FAM184A: variants seen among roughly 807,000 people sequenced by gnomAD.
The protein encoded by FAM184A is protein FAM184A.
A neutral mutation model predicts 143.8 loss-of-function variants in FAM184A; 99 were observed. That is an observed-to-expected ratio of 0.69 (90% CI 0.58 to 0.81). The LOEUF (loss-of-function observed/expected upper bound fraction) is 0.81. Ranked by LOEUF, FAM184A falls within the 40% of genes least tolerant of loss-of-function variation. The pLI, the probability that FAM184A is intolerant of heterozygous loss-of-function variation, is 0.00. For synonymous variants in FAM184A, 427 were observed against 446.4 expected (o/e 0.96, Z 0.55); for missense variants, 1,217 against 1,310.5 (o/e 0.93, Z 1.10).
At chr6:119,042,938 G>A (rs546526264) in intron 1 of FAM184A, among the ~76,000 whole-genome samples, 1 of 152,208 alleles carries the variant, frequency 6.6e-6, no homozygotes, top group African/African-American at 2.4e-5. Flanking sequence ...TCAAAAATCT[G>A]CATCCTGAAC....
At chr6:119,095,415 G>A (rs1217873619) in intron 1 of FAM184A, among the ~76,000 whole-genome samples, 1 of 152,200 alleles carries the variant, frequency 6.6e-6, no homozygotes, top group Non-Finnish European at 1.5e-5. Context: ...TAAGCAAGTT[G>A]TAGTTATCCA....
intron 9 of FAM184A, among the ~76,000 whole-genome samples, chr6:118,987,900 C>T (rs1784242427): frequency 6.6e-6 from 1 of 152,100 alleles, no homozygotes; most frequent in South Asian, 2.1e-4. Context: ...TAGATGTATG[C>T]ATACACAAAT....
At chr6:119,033,390 G>A (rs1170853379) in intron 1 of FAM184A, among the ~76,000 whole-genome samples, 8 of 152,138 alleles carry the variant, frequency 5.3e-5, no homozygotes, top group South Asian at 2.1e-4. Context: ...AAAAGGCCAG[G>A]TGCGGTGGCT....
chr6:119,042,000 C>T (rs1337190678), intron 1 of FAM184A, among the ~76,000 whole-genome samples: 2 of 152,134 alleles, frequency 1.3e-5, no homozygotes, highest in Non-Finnish European at 2.9e-5. Context: ...AAGCGGCCCG[C>T]CACCATCTTG....
intron 1 of FAM184A, among the ~76,000 whole-genome samples, chr6:119,103,677 T>C (rs1582618868): frequency 6.6e-6 from 1 of 151,832 alleles, no homozygotes; most frequent in South Asian, 2.1e-4. Context: ...CCTGTAATCC[T>C]AGCACTTTGG....
chr6:119,140,980 C>T (rs1413142865), intron 1 of FAM184A, among the ~76,000 whole-genome samples: 2 of 152,170 alleles, frequency 1.3e-5, no homozygotes, highest in Non-Finnish European at 2.9e-5. Flanking sequence ...TGGAGATAAG[C>T]CACCTGATGT....
intron 4 of FAM184A, 152 bp downstream of exon 4, chr6:119,019,826 C>T (rs1028739641): frequency 3.4e-6 from 2 of 592,378 alleles, no homozygotes; most frequent in African/African-American, 3.8e-5. Context: ...TAGCTATATA[C>T]CCATTTCCTC....
At chr6:119,074,479 G>GCT (rs1435058226) in intron 1 of FAM184A, among the ~76,000 whole-genome samples, 1 of 152,096 alleles carries the variant, frequency 6.6e-6, no homozygotes, top group Non-Finnish European at 1.5e-5. Flanking sequence ...CTTTGTTACT[G>GCT]AAGGATGATT....
chr6:119,009,165 G>A (rs1355258866), intron 6 of FAM184A, among the ~76,000 whole-genome samples: 1 of 152,156 alleles, frequency 6.6e-6, no homozygotes, highest in Non-Finnish European at 1.5e-5. Flanking sequence ...AGTATAAAGA[G>A]GCTATATAAA....
chr6:119,045,326 G>A (rs962569059), intron 1 of FAM184A, among the ~76,000 whole-genome samples: 7 of 138,712 alleles, frequency 5.0e-5, no homozygotes, highest in African/African-American at 1.6e-4. Context: ...ATTCATCTAC[G>A]TATATCAAGG....
rs756831098 is a variant in FAM184A, at chr6:118,980,319, T to C, written c.2120A>G (p.Gln707Arg). 27 of 1,613,814 alleles carry C rather than the reference T, an allele frequency of 1.7e-5. No individual in the cohort carries two copies. In the South Asian group the frequency reaches 3.0e-4, roughly 18 times the overall value. The change falls in exon 10 of 18, where the codon CAG (glutamine) becomes CGG (arginine). Residue 707 changes from glutamine to arginine, a missense_variant. Physicochemically the swap from Gln to Arg is conservative, Grantham distance 43. Coordinates refer to ENST00000338891, the MANE Select transcript of FAM184A (RefSeq NM_024581.6). ...CAAAGAAGTCTGAGACTGGGAAAGC[T>C]GTATCTCCAGATTCTGTTTCAGCAA... ...ISLLKQNLEI[Q>R]LSQSQTSLQQ...
At chr6:119,048,574 T>C (rs1428770326) in intron 1 of FAM184A, among the ~76,000 whole-genome samples, 1 of 152,198 alleles carries the variant, frequency 6.6e-6, no homozygotes, top group Non-Finnish European at 1.5e-5. Flanking sequence ...CTAGCATTCC[T>C]ATACACCAAC....
chr6:118,984,524 G>A (rs534196365), intron 9 of FAM184A, among the ~76,000 whole-genome samples: 42 of 152,046 alleles, frequency 2.8e-4, no homozygotes, highest in East Asian at 2.3e-3. Flanking sequence ...CTCTATAATG[G>A]TGTTTGTGGA....
At position 118,974,441 on chromosome 6, in the gene FAM184A, C is replaced by G; in HGVS notation, c.2902G>C (p.Ala968Pro). 1 of 1,608,156 alleles carries G rather than the reference C, an allele frequency of 6.2e-7. No individual in the cohort carries two copies. The change falls in exon 14 of 18, where the codon GCT (alanine) becomes CCT (proline). Residue 968 changes from alanine to proline, a missense_variant. Coordinates refer to ENST00000338891, the MANE Select transcript of FAM184A (RefSeq NM_024581.6). ...TNELLKEINA[A>P]LQVSLEEMEE... Reference sequence around the variant, plus strand: ...AATATGACTTACGACACTTGTAAAGCGGCATTTATTTCCTTGAGTAGCTCG... The same window carrying G: ...AATATGACTTACGACACTTGTAAAGGGGCATTTATTTCCTTGAGTAGCTCG...
chr6:119,027,528 T>C (rs1340191158), intron 1 of FAM184A, among the ~76,000 whole-genome samples: 1 of 152,168 alleles, frequency 6.6e-6, no homozygotes, highest in East Asian at 1.9e-4. Context: ...TTTAGGGACC[T>C]GCAAACCCCC....
intron 7 of FAM184A, among the ~76,000 whole-genome samples, chr6:119,004,102 T>G (rs1422166698): frequency 6.6e-6 from 1 of 152,240 alleles, no homozygotes; most frequent in Non-Finnish European, 1.5e-5. Context: ...ATTATGTAAC[T>G]GCAAACTAGT....
intron 3 of FAM184A, 75 bp from the exon 4 acceptor site, chr6:119,020,234 C>T (rs1785397675): frequency 1.7e-6 from 2 of 1,157,194 alleles, no homozygotes; most frequent in African/African-American, 1.6e-5. Flanking sequence ...CATTTAATAA[C>T]ACAACTGTAC....
At chr6:119,084,093 A>AAAG (rs147210955) in intron 1 of FAM184A, among the ~76,000 whole-genome samples, 3 of 151,404 alleles carry the variant, frequency 2.0e-5, no homozygotes, top group South Asian at 2.1e-4. Context: ...GAGAGAGAGA[A>AAAG]AGAGAGAGAG....
intron 1 of FAM184A, among the ~76,000 whole-genome samples, chr6:119,045,805 A>T (rs1786508997): frequency 6.6e-6 from 1 of 152,204 alleles, no homozygotes; most frequent in Non-Finnish European, 1.5e-5. Context: ...ATTAAAAAAA[A>T]TTTATATTGC....
Sources: gnomAD v4.1 joint callset for allele counts (sites outside exome capture counted in the v4.1 genomes callset) on GRCh38, gnomAD v4.1.1 for gene constraint, MANE v1.5 for transcripts, NCBI Gene and HGNC (gene_info 2026-07-23, HGNC 2026-07-21) for gene names.